The following STS variants were observed in gnomAD, a reference collection of about 807,000 sequenced individuals.
STS encodes steryl-sulfatase.
In STS, 7 loss-of-function variants were observed where a neutral mutation model predicts 26.8. The observed-to-expected ratio is 0.26, with a 90% CI of 0.15 to 0.49. The LOEUF is 0.49. Among genes scored for constraint, STS ranks in the 20% least tolerant of loss-of-function variants. STS has a pLI of 0.98. For synonymous variants in STS, 199 were observed against 189.4 expected (o/e 1.05, Z -0.42); for missense variants, 434 against 465.6 (o/e 0.93, Z 0.63).
chrX:7,344,509 AG>A (rs1928436497), intron 10 of STS, among the ~76,000 whole-genome samples: 1 of 111,209 alleles, frequency 9.0e-6, no homozygotes, highest in African/African-American at 3.3e-5. Flanking sequence ...ACCCTGACAG[AG>A]GCCCCATCAT....
At chrX:7,225,951 G>A (rs1250334634) in intron 2 of STS, among the ~76,000 whole-genome samples, 1 of 112,214 alleles carries the variant, frequency 8.9e-6, no homozygotes, top group Non-Finnish European at 1.9e-5. Flanking sequence ...TTATAGATAA[G>A]AAAGCCAATT....
intron 7 of STS, among the ~76,000 whole-genome samples, chrX:7,289,523 G>A (rs1328896621): frequency 1.8e-5 from 2 of 111,598 alleles, no homozygotes; most frequent in Admixed American, 9.5e-5. Flanking sequence ...CAAGCAGTGA[G>A]GAGGGAGCAG....
intron 8 of STS, among the ~76,000 whole-genome samples, chrX:7,323,376 C>A (rs1927153750): frequency 9.0e-6 from 1 of 110,693 alleles, no homozygotes; most frequent in Non-Finnish European, 1.9e-5. Context: ...TGACCTCCTC[C>A]CTCTTTCCCC....
chrX:7,172,939 T>C (rs1057205609), intron 1 of STS, among the ~76,000 whole-genome samples: 14 of 111,738 alleles, frequency 1.3e-4, no homozygotes, highest in African/African-American at 4.6e-4. Context: ...TTATTCACTT[T>C]GTTTTATTTT....
At chrX:7,243,257 C>A (rs951507991) in intron 2 of STS, among the ~76,000 whole-genome samples, 4 of 111,945 alleles carry the variant, frequency 3.6e-5, no homozygotes, top group South Asian at 3.7e-4. Flanking sequence ...GAGATGGGAT[C>A]TTGCTATGTT....
At chrX:7,335,447 A>T (rs1426934137) in intron 10 of STS, among the ~76,000 whole-genome samples, 3 of 111,191 alleles carry the variant, frequency 2.7e-5, no homozygotes, top group African/African-American at 9.8e-5. Context: ...CCACTTTTTG[A>T]TGGGGTTGTT....
chrX:7,341,571 G>T (rs1355072497), intron 10 of STS, among the ~76,000 whole-genome samples: 1 of 111,923 alleles, frequency 8.9e-6, no homozygotes, highest in Admixed American at 9.5e-5. Context: ...TCCGTTATCT[G>T]CCATGATCAG....
chrX:7,277,380 TTC>T (rs1924592831), intron 7 of STS, among the ~76,000 whole-genome samples: 1 of 112,181 alleles, frequency 8.9e-6, no homozygotes, highest in Admixed American at 9.5e-5. Context: ...TGCTTCCTAG[TTC>T]TGTTTGTTTG....
intron 2 of STS, among the ~76,000 whole-genome samples, chrX:7,244,751 C>T (rs1191554902): frequency 2.7e-5 from 3 of 111,166 alleles, no homozygotes; most frequent in African/African-American, 9.8e-5. Context: ...GAACAGCCCC[C>T]TCCCCACCAA....
intron 10 of STS, 27 bp downstream of exon 10, chrX:7,334,134 C>T (rs377702084): frequency 8.3e-7 from 1 of 1,211,192 alleles, no homozygotes; most frequent in Non-Finnish European, 1.1e-6. Context: ...TTCCACGCTC[C>T]TCATGCTCCG....
At position 7,259,591 on chromosome X, in the gene STS, G is replaced by T; in HGVS notation, c.625G>T (p.Gly209Cys). ...TCTGGGGCTACTCCACGTGCCTCTAGGCGTTTTTTTCAGCCTTCTCTTCCT... is the reference window on the plus strand; with the variant it reads ...TCTGGGGCTACTCCACGTGCCTCTATGCGTTTTTTTCAGCCTTCTCTTCCT... ...NCLGLLHVPL[G>C]VFFSLLFLAA... The change falls in exon 6 of 11, where the codon GGC (glycine) becomes TGC (cysteine). Residue 209 changes from glycine to cysteine, a missense_variant. Transcript: ENST00000674429. The T allele has an allele frequency of 8.3e-7, 1 of 1,211,443 alleles. No individual in the cohort carries two copies. The highest frequency in any genetic ancestry group is 1.1e-6 in the Non-Finnish European group (1 of 895,400).
intron 1 of STS, among the ~76,000 whole-genome samples, chrX:7,184,994 T>G (rs1933746540): frequency 8.9e-6 from 1 of 112,186 alleles, no homozygotes; most frequent in African/African-American, 3.2e-5. Flanking sequence ...CTCTGGTTGC[T>G]TCGGCTTTTT....
At chrX:7,318,762 G>T (rs774080151) in intron 8 of STS, among the ~76,000 whole-genome samples, 13 of 110,960 alleles carry the variant, frequency 1.2e-4, no homozygotes, top group Non-Finnish European at 2.3e-4. Context: ...TCAGTAGGTG[G>T]CTAGATCTAG....
chrX:7,317,000 C>G lies in STS; in HGVS notation c.1082-8339C>G, dbSNP rs781082972. Among the ~76,000 whole-genome samples the G allele has an allele frequency of 5.4e-5, 6 of 112,011 alleles. No individual in the cohort carries two copies. The South Asian group carries it at 2.2e-3, about 42-fold the overall frequency. On this transcript the variant is annotated intron_variant, in intron 8 of 10. Transcript: ENST00000674429. ...CTCTTGCCATTAAAAGTGATTTGACCTGCTGTGTGGTAGCATTCAGAAGGA... is the reference window on the plus strand; with the variant it reads ...CTCTTGCCATTAAAAGTGATTTGACGTGCTGTGTGGTAGCATTCAGAAGGA...
chrX:7,299,024 AT>A (rs1388174896), intron 7 of STS, among the ~76,000 whole-genome samples: 7 of 64,835 alleles, frequency 1.1e-4, no homozygotes, highest in Admixed American at 5.1e-4. Flanking sequence ...ATATATAAAT[AT>A]ATTTTATTTA....
chrX:7,320,422 T>C (rs1201855436), intron 8 of STS, among the ~76,000 whole-genome samples: 1 of 110,728 alleles, frequency 9.0e-6, no homozygotes, highest in East Asian at 2.8e-4. Context: ...GGGTGCTTTT[T>C]CCTGATTTAA....
chrX:7,263,831 G>A (rs1360283544), intron 6 of STS, among the ~76,000 whole-genome samples: 1 of 53,680 alleles, frequency 1.9e-5, no homozygotes, highest in African/African-American at 5.8e-5. Flanking sequence ...GTATATATAT[G>A]TGTGTGTGTG....
At chrX:7,185,506 C>T (rs1933756438) in intron 1 of STS, among the ~76,000 whole-genome samples, 1 of 112,708 alleles carries the variant, frequency 8.9e-6, no homozygotes, top group Non-Finnish European at 1.9e-5. Flanking sequence ...CTGTGGTTCA[C>T]AATTCCATTA....
intron 7 of STS, among the ~76,000 whole-genome samples, chrX:7,295,940 G>C (rs1297513406): frequency 8.9e-6 from 1 of 111,850 alleles, no homozygotes; most frequent in African/African-American, 3.2e-5. Context: ...TTTCAATTTT[G>C]TATCTTCAGC....
Sources: allele counts gnomAD v4.1 joint callset (sites outside exome capture counted in the v4.1 genomes callset), GRCh38; gene constraint gnomAD v4.1.1; transcripts MANE v1.5; gene names NCBI Gene and HGNC (gene_info 2026-07-23, HGNC 2026-07-21).